OPHN1: variants seen among roughly 807,000 people sequenced by gnomAD.
OPHN1 encodes oligophrenin-1.
Under a neutral mutation model 60.7 loss-of-function variants are expected in OPHN1, and 11 were observed. The observed-to-expected ratio is 0.18, with a 90% CI of 0.11 to 0.30. The LOEUF (loss-of-function observed/expected upper bound fraction) is 0.30. OPHN1 is among the 10% of genes least tolerant of loss of function. The pLI, the probability that OPHN1 is intolerant of heterozygous loss-of-function variation, is 1.00. For synonymous variants in OPHN1, 226 were observed against 222.6 expected, an observed-to-expected ratio of 1.02 and a Z score of -0.14; for missense variants, 449 against 611.0, an observed-to-expected ratio of 0.73 and a Z score of 2.80.
chrX:68,263,914 C>A (rs2077907684), intron 5 of OPHN1, among the ~76,000 whole-genome samples: 1 of 111,753 alleles, frequency 8.9e-6, no homozygotes, highest in African/African-American at 3.3e-5. Flanking sequence ...TCTTCAAAAT[C>A]CAGAGTATAT....
intron 15 of OPHN1, among the ~76,000 whole-genome samples, chrX:68,152,185 C>T (rs2077287886): frequency 9.0e-6 from 1 of 111,188 alleles, no homozygotes; most frequent in Non-Finnish European, 1.9e-5. Flanking sequence ...ATCTAGGTGG[C>T]AACAAACATC....
At chrX:68,167,446 C>CA (rs1202068618) in intron 15 of OPHN1, among the ~76,000 whole-genome samples, 1 of 110,249 alleles carries the variant, frequency 9.1e-6, no homozygotes, top group African/African-American at 3.3e-5. Context: ...GGAGGTTCCA[C>CA]AAAAAATCTC....
At chrX:68,329,281 T>C (rs1390064227) in intron 2 of OPHN1, among the ~76,000 whole-genome samples, 1 of 112,220 alleles carries the variant, frequency 8.9e-6, no homozygotes. Context: ...GGTGTAAGTA[T>C]AAATGTGTAT....
At chrX:68,287,819 G>A (rs1185226407) in intron 3 of OPHN1, among the ~76,000 whole-genome samples, 3 of 111,748 alleles carry the variant, frequency 2.7e-5, no homozygotes, top group Non-Finnish European at 5.6e-5. Flanking sequence ...GTTCGTTTTT[G>A]GAGTTTTAAA....
intron 19 of OPHN1, among the ~76,000 whole-genome samples, chrX:68,075,113 T>C (rs1259639562): frequency 8.9e-6 from 1 of 112,178 alleles, no homozygotes. Context: ...TGAAGGACAG[T>C]GAATGCTGAG....
chrX:68,237,298 G>A (rs2077757862), intron 5 of OPHN1, among the ~76,000 whole-genome samples: 1 of 112,362 alleles, frequency 8.9e-6, no homozygotes, highest in Non-Finnish European at 1.9e-5. Context: ...AGTAAGTTTT[G>A]AAATTTAAAA....
At chrX:68,217,895 G>A (rs1265214898) in intron 6 of OPHN1, among the ~76,000 whole-genome samples, 1 of 105,395 alleles carries the variant, frequency 9.5e-6, no homozygotes, top group African/African-American at 3.3e-5. Flanking sequence ...AAGGAACACA[G>A]TTCCTCACCA....
rs144656835 is a variant in OPHN1 at position 68,245,468 on chromosome X, G to A, written c.385-10880C>T. ...AAATAGTAAGGCATTTAGCAGACTC[G>A]TTTCTTCTTTCAAGAGTGGAGTCTA... On this transcript the variant is annotated intron_variant, in intron 5 of 24. Transcript: ENST00000355520. Among the ~76,000 whole-genome samples, 445 of 111,986 alleles carry A rather than the reference G, an allele frequency of 4.0e-3. 2 individuals carry two copies. The highest frequency in any genetic ancestry group is 0.013 in the African/African-American group (416 of 30,866).
intron 19 of OPHN1, among the ~76,000 whole-genome samples, chrX:68,089,237 T>A (rs143061358): frequency 8.9e-4 from 99 of 111,207 alleles, no homozygotes; most frequent in Admixed American, 5.0e-3. Flanking sequence ...ACCTGAGACC[T>A]CAGGCCACTC....
chrX:68,338,125 T>C (rs1483928651), intron 2 of OPHN1, among the ~76,000 whole-genome samples: 1 of 112,029 alleles, frequency 8.9e-6, no homozygotes, highest in East Asian at 2.8e-4. Flanking sequence ...CCCAAAGTGC[T>C]GGGATTACAG....
chrX:68,301,420 T>TG (rs1261851456), intron 2 of OPHN1, among the ~76,000 whole-genome samples: 1 of 83,035 alleles, frequency 1.2e-5, no homozygotes, highest in East Asian at 3.7e-4. Context: ...AACTCCAGCC[T>TG]GGGTGCCAGA....
intron 12 of OPHN1, among the ~76,000 whole-genome samples, chrX:68,195,057 A>AGGAAGGAC (rs2077507021): frequency 2.0e-5 from 2 of 101,809 alleles, no homozygotes; most frequent in African/African-American, 8.5e-5. Context: ...GAAGGAAGGA[A>AGGAAGGAC]GGAAGGAAGA....
intron 2 of OPHN1, among the ~76,000 whole-genome samples, chrX:68,406,613 A>G (rs1331016571): frequency 9.2e-6 from 1 of 108,992 alleles, no homozygotes; most frequent in African/African-American, 3.3e-5. Flanking sequence ...CTCCATCTCC[A>G]AAAAAAAAAT....
intron 2 of OPHN1, among the ~76,000 whole-genome samples, chrX:68,417,075 ATATTTATTTATTTATT>A (rs200001381): frequency 2.0e-5 from 2 of 101,340 alleles, no homozygotes; most frequent in South Asian, 4.9e-4. Context: ...ATTCCTTTTT[ATATTTATTTATTTATT>A]TATTTATTTA....
intron 2 of OPHN1, among the ~76,000 whole-genome samples, chrX:68,317,984 C>A (rs1366747263): frequency 8.9e-6 from 1 of 111,764 alleles, no homozygotes; most frequent in Non-Finnish European, 1.9e-5. Context: ...TATTTCAAAG[C>A]GTCTGTATTT....
At chrX:68,277,587 C>T (rs1191262214) in intron 4 of OPHN1, among the ~76,000 whole-genome samples, 1 of 111,658 alleles carries the variant, frequency 9.0e-6, no homozygotes, top group Non-Finnish European at 1.9e-5. Flanking sequence ...GTCAGGGGTT[C>T]GAGACCAGCC....
chrX:68,431,666 G>A (rs1228966266), intron 2 of OPHN1, among the ~76,000 whole-genome samples: 2 of 108,606 alleles, frequency 1.8e-5, no homozygotes, highest in African/African-American at 6.7e-5. Flanking sequence ...GATCTCAGGT[G>A]ATTCACCCGC....
At chrX:68,217,789 C>G (rs2077622276) in intron 6 of OPHN1, among the ~76,000 whole-genome samples, 1 of 107,015 alleles carries the variant, frequency 9.3e-6, no homozygotes, top group African/African-American at 3.3e-5. Flanking sequence ...ACATCACCAT[C>G]ATCAAACACC....
chrX:68,064,886 C>T (rs1380385094), intron 20 of OPHN1, among the ~76,000 whole-genome samples: 2 of 111,795 alleles, frequency 1.8e-5, no homozygotes, highest in Non-Finnish European at 3.8e-5. Flanking sequence ...AAGAAATTGT[C>T]ACCTTCCATA....
Sources: gnomAD v4.1 joint callset for allele counts (sites outside exome capture counted in the v4.1 genomes callset) on GRCh38, gnomAD v4.1.1 for gene constraint, MANE v1.5 for transcripts, NCBI Gene and HGNC (gene_info 2026-07-23, HGNC 2026-07-21) for gene names.